PCDH9: variants seen among roughly 807,000 people sequenced by gnomAD.
The protein encoded by PCDH9 is protocadherin-9.
A neutral mutation model predicts 70.6 loss-of-function variants in PCDH9; 24 were observed. The ratio of observed to expected loss-of-function variants is 0.34; its 90% CI spans 0.25 to 0.48. The LOEUF (loss-of-function observed/expected upper bound fraction) is 0.48. PCDH9 is among the 20% of genes least tolerant of loss of function. PCDH9 has a pLI of 0.99. For synonymous variants in PCDH9, 562 were observed against 558.5 expected, an observed-to-expected ratio of 1.01 and a Z score of -0.09; for missense variants, 1,281 against 1,503.6, an observed-to-expected ratio of 0.85 and a Z score of 2.45.
chr13:66,554,304 T>C (rs532064697), intron 4 of PCDH9, among the ~76,000 whole-genome samples: 1 of 152,286 alleles, frequency 6.6e-6, no homozygotes, highest in African/African-American at 2.4e-5. Context: ...TTAATATTTA[T>C]AATGTATACT....
intron 4 of PCDH9, among the ~76,000 whole-genome samples, chr13:66,566,549 G>A (rs2076655039): frequency 6.6e-6 from 1 of 152,136 alleles, no homozygotes; most frequent in African/African-American, 2.4e-5. Context: ...AGGTAAGAGA[G>A]TTCATAATAC....
chr13:67,177,646 ATGT>A (rs2088500302), intron 2 of PCDH9, among the ~76,000 whole-genome samples: 3 of 152,018 alleles, frequency 2.0e-5, no homozygotes, highest in Admixed American at 6.6e-5. Context: ...TGATTCCCCT[ATGT>A]TGTTGTCTCT....
intron 4 of PCDH9, among the ~76,000 whole-genome samples, chr13:66,430,556 C>A (rs940295053): frequency 6.6e-6 from 1 of 152,020 alleles, no homozygotes; most frequent in Non-Finnish European, 1.5e-5. Context: ...TACCAAGTAG[C>A]AACCAGGTGT....
chr13:67,025,351 T>G (rs2084759226), intron 2 of PCDH9, among the ~76,000 whole-genome samples: 2 of 152,124 alleles, frequency 1.3e-5, no homozygotes, highest in South Asian at 4.1e-4. Context: ...TTTGTGAATG[T>G]TCAAGAAAAA....
At chr13:66,951,189 CT>C (rs929836474) in intron 2 of PCDH9, among the ~76,000 whole-genome samples, 3 of 151,938 alleles carry the variant, frequency 2.0e-5, no homozygotes, top group Admixed American at 6.6e-5. Flanking sequence ...TTATTTCTCT[CT>C]TTTTTTTCAC....
At chr13:66,493,190 A>G (rs113122562) in intron 4 of PCDH9, among the ~76,000 whole-genome samples, 502 of 152,320 alleles carry the variant, frequency 3.3e-3, no homozygotes, top group Non-Finnish European at 5.5e-3. Flanking sequence ...CTTGAAGTAA[A>G]TCTCACATTT....
chr13:67,211,263 T>C (rs771177192), intron 2 of PCDH9: 1 of 151,988 alleles, frequency 6.6e-6, no homozygotes, highest in Non-Finnish European at 1.5e-5. Context: ...TAAATTATAG[T>C]AATTACTTGG....
chr13:66,605,121 A>G (rs2077207891), intron 4 of PCDH9, among the ~76,000 whole-genome samples: 1 of 152,070 alleles, frequency 6.6e-6, no homozygotes, highest in African/African-American at 2.4e-5. Context: ...CACATATATC[A>G]TCTCTCAAAA....
intron 3 of PCDH9, among the ~76,000 whole-genome samples, chr13:66,633,095 G>A (rs2077592922): frequency 6.6e-6 from 1 of 152,078 alleles, no homozygotes; most frequent in African/African-American, 2.4e-5. Context: ...ATCCAATTCA[G>A]AGTCATAATG....
intron 3 of PCDH9, among the ~76,000 whole-genome samples, chr13:66,825,498 G>A (rs912472222): frequency 2.7e-5 from 4 of 150,136 alleles, no homozygotes; most frequent in Admixed American, 2.0e-4. Context: ...CACCATGCCC[G>A]GCTAATTTTT....
chr13:66,328,312 A>G (rs1955880925), intron 4 of PCDH9, among the ~76,000 whole-genome samples: 2 of 152,196 alleles, frequency 1.3e-5, no homozygotes, highest in African/African-American at 4.8e-5. Context: ...CTCAGCTCCG[A>G]TTCAGTAGGC....
At chr13:66,764,662 A>G (rs2079682926) in intron 3 of PCDH9, among the ~76,000 whole-genome samples, 1 of 152,058 alleles carries the variant, frequency 6.6e-6, no homozygotes. Flanking sequence ...TCTATGGAAT[A>G]GAGTTTGAAG....
chr13:66,561,761 C>T (rs559947984), intron 4 of PCDH9, among the ~76,000 whole-genome samples: 25 of 152,158 alleles, frequency 1.6e-4, no homozygotes, highest in Admixed American at 7.9e-4. Context: ...CACCAATCAG[C>T]GCCCTGTCAA....
intron 2 of PCDH9, among the ~76,000 whole-genome samples, chr13:67,179,593 A>C (rs2088561928): frequency 6.6e-6 from 1 of 152,078 alleles, no homozygotes; most frequent in Admixed American, 6.6e-5. Flanking sequence ...CTTTTTATTT[A>C]ATTTATAATA....
intron 4 of PCDH9, among the ~76,000 whole-genome samples, chr13:66,346,957 C>T (rs1412520721): frequency 6.6e-6 from 1 of 152,126 alleles, no homozygotes; most frequent in African/African-American, 2.4e-5. Context: ...ATGCTAATTT[C>T]CCCCCAATAA....
chr13:66,316,266 C>G (rs1408521682), intron 4 of PCDH9, among the ~76,000 whole-genome samples: 1 of 152,162 alleles, frequency 6.6e-6, no homozygotes, highest in Non-Finnish European at 1.5e-5. Flanking sequence ...GCCTGAAGGT[C>G]CTTTTTGTCA....
At chr13:66,720,459 A>T (rs188648403) in intron 3 of PCDH9, among the ~76,000 whole-genome samples, 1 of 151,456 alleles carries the variant, frequency 6.6e-6, no homozygotes, top group African/African-American at 2.4e-5. Flanking sequence ...CAACATGCCC[A>T]GCCTCATTTC....
At position 66,921,606 on chromosome 13, in the gene PCDH9, T is replaced by A. The variant is rs1276831079; in HGVS notation, c.3037-18001A>T. On this transcript the variant is annotated intron_variant, in intron 2 of 4. Transcript: ENST00000377865. ...CACACACACATATGTCATGAATATA[T>A]GCTTTGCATAAAGCAGGAGAAAAGC... Among the ~76,000 whole-genome samples the A allele has an allele frequency of 3.3e-5, 5 of 151,350 alleles. No homozygotes were observed. In the Admixed American group the frequency reaches 3.3e-4, roughly 10 times the overall value.
intron 4 of PCDH9, chr13:66,306,368 T>C (rs1955465536): frequency 6.7e-6 from 1 of 148,598 alleles, no homozygotes; most frequent in African/African-American, 2.5e-5. Flanking sequence ...CAGTTGATGG[T>C]AAAGACCAGA....
Sources: gnomAD v4.1 joint callset for allele counts (sites outside exome capture counted in the v4.1 genomes callset) on GRCh38, gnomAD v4.1.1 for gene constraint, MANE v1.5 for transcripts, NCBI Gene and HGNC (gene_info 2026-07-23, HGNC 2026-07-21) for gene names.